The following SPEN variants were observed in gnomAD, a reference collection of about 807,000 sequenced individuals.
SPEN encodes msx2-interacting protein.
A neutral mutation model predicts 269.9 loss-of-function variants in SPEN; 18 were observed. That is an observed-to-expected ratio of 0.07 (90% confidence interval 0.05 to 0.10). The LOEUF is 0.10. Ranked by LOEUF, SPEN falls within the 10% of genes least tolerant of loss-of-function variation. The probability of loss-of-function intolerance (pLI) is 1.00; values close to 1 mark genes in which losing one functional copy is unlikely to be tolerated. For missense variants in SPEN, 3,822 were observed against 4,631.2 expected (o/e 0.83, Z 5.07); for synonymous variants, 1,726 against 1,765.7 (o/e 0.98, Z 0.56).
In SPEN at chr1:15,847,927, C is replaced by CGGA. The variant is rs2070288858; in HGVS notation, c.-136_-134dup. 1 of 352,416 alleles carries CGGA rather than the reference C, an allele frequency of 2.8e-6. No individual in the cohort carries two copies. Among genetic ancestry groups the CGGA allele is most frequent in the African/African-American group, 2.2e-5 (1 of 46,236 alleles). 21.8% of individuals were successfully genotyped at this position (352,416 alleles called of 1,614,324 possible). ...GGATGGTCTCTGCACGGGGGGGAGCCGGAGGAGCCGCCGCCGCTGCCGACG... is the reference window on the plus strand; with the variant it reads ...GGATGGTCTCTGCACGGGGGGGAGCCGGAGGAGGAGCCGCCGCCGCTGCCGACG... On this transcript the variant is annotated 5_prime_UTR_variant, in exon 1 of 15. Coordinates refer to ENST00000375759, the MANE Select transcript of SPEN (RefSeq NM_015001.3).
chr1:15,902,241 A>G (rs2148724618), intron 3 of SPEN, among the ~76,000 whole-genome samples: 1 of 152,286 alleles, frequency 6.6e-6, no homozygotes, highest in Admixed American at 6.5e-5. Flanking sequence ...AAAATCTTTT[A>G]AACGTCTGGT....
In SPEN at chr1:15,935,237, C is replaced by T. The variant is rs370111773; in HGVS notation, c.8997C>T (p.Asn2999=). The part of the protein sequence containing the change: ...ALPSKLPTEV[N]HVPSGPSIPA... ...CCAGCAAACTGCCTACAGAAGTCAA[C>T]CATGTCCCCTCGGGGCCCAGCATCC... The change falls in exon 11 of 15, where the codon AAC becomes AAT. Residue 2999 remains asparagine (N), a synonymous_variant. Coordinates refer to ENST00000375759, the MANE Select transcript of SPEN (RefSeq NM_015001.3). The surrounding 1 kb of genome is among the most constrained non-coding windows in gnomAD (Gnocchi z 7.7). The T allele has an allele frequency of 3.1e-6, 5 of 1,614,074 alleles. No homozygotes were observed. Among genetic ancestry groups the T allele is most frequent in the Non-Finnish European group, 4.2e-6 (5 of 1,180,044 alleles).
At chr1:15,876,723 C>T in intron 3 of SPEN, 45 bp downstream of exon 3, 1 of 1,382,970 alleles carries the variant, frequency 7.2e-7, no homozygotes, top group Non-Finnish European at 1.0e-6. Context: ...TAGCTTTAAA[C>T]AAATTCTCAA....
At position 15,935,281 on chromosome 1, in the gene SPEN, C is replaced by T. The variant is rs2071263314; in HGVS notation, c.9041C>T (p.Ser3014Phe). 6.2e-7 allele frequency: 1 copy of T among 1,614,042 alleles called. No individual in the cohort carries two copies. The highest frequency in any genetic ancestry group is 8.5e-7 in the Non-Finnish European group (1 of 1,180,038). ...GPSIPADRTV[S>F]HLAAAKLDAH... The stretch of plus-strand genomic sequence containing the variant: ...AGCATCCCAGCAGATCGAACTGTCT[C>T]CCATTTGGCAGCTGCAAAGCTAGAT... Residue 3014 changes from serine (S) to phenylalanine (F), a missense_variant, in exon 11 of 15, where the codon TCC (serine) becomes TTC (phenylalanine). Physicochemically the swap from Ser to Phe is radical, Grantham distance 155. Around this residue, in one of 16 missense-constraint regions of SPEN, gnomAD observed 94 missense variants for 90.4 expected, o/e 1.04. Coordinates refer to ENST00000375759, the MANE Select transcript of SPEN (RefSeq NM_015001.3). This position sits in a 1 kb window ranked among gnomAD's most constrained non-coding sequence, Gnocchi z 7.7.
At chr1:15,891,501 G>C (rs1224905625) in intron 3 of SPEN, among the ~76,000 whole-genome samples, 3 of 151,226 alleles carry the variant, frequency 2.0e-5, no homozygotes, top group African/African-American at 7.3e-5. Flanking sequence ...ACAGGCACCC[G>C]CCACCACGCC....
Position 15,939,490 on chromosome 1 carries a change from A to T in SPEN, c.*63A>T. The T allele has an allele frequency of 1.4e-6, 2 of 1,463,798 alleles. No individual in the cohort carries two copies. Among genetic ancestry groups the T allele is most frequent in the Non-Finnish European group, 1.8e-6 (2 of 1,100,908 alleles). 90.7% of individuals were successfully genotyped at this position (1,463,798 alleles called of 1,614,324 possible). A position where few individuals can be genotyped will look rare whatever the true frequency, so the allele number is the denominator to read the frequency against. On this transcript the variant is annotated 3_prime_UTR_variant, in exon 15 of 15. Transcript: ENST00000375759. This position sits in a 1 kb window ranked among gnomAD's most constrained non-coding sequence, Gnocchi z 4.1. ...GGCTCTGCAGTAAAAACAAAGGACA[A>T]CCCAGCCAAGCAGAGGAAGAAGCTG...
At chr1:15,901,293 C>T (rs964200404) in intron 3 of SPEN, among the ~76,000 whole-genome samples, 1 of 145,782 alleles carries the variant, frequency 6.9e-6, no homozygotes, top group African/African-American at 2.6e-5. Flanking sequence ...CCAGCCTGAG[C>T]GAAAGAGTAG....
intron 1 of SPEN, among the ~76,000 whole-genome samples, chr1:15,866,569 A>G (rs1336038713): frequency 6.6e-6 from 1 of 152,102 alleles, no homozygotes. Flanking sequence ...TAGCCAGGAT[A>G]GTCTCGATCT....
intron 10 of SPEN, among the ~76,000 whole-genome samples, chr1:15,925,830 G>A (rs1197086913): frequency 6.6e-6 from 1 of 151,986 alleles, no homozygotes; most frequent in African/African-American, 2.4e-5. Context: ...GACCATTCTA[G>A]GTGTCTTACT....
intron 3 of SPEN, among the ~76,000 whole-genome samples, chr1:15,889,526 C>G (rs973867439): frequency 6.6e-6 from 1 of 152,096 alleles, no homozygotes; most frequent in African/African-American, 2.4e-5. Context: ...ACAAGCACCC[C>G]TCTATCAATC....
chr1:15,896,282 G>A (rs544162418), intron 3 of SPEN, among the ~76,000 whole-genome samples: 36 of 127,876 alleles, frequency 2.8e-4, no homozygotes, highest in Admixed American at 6.0e-4. Flanking sequence ...TGCAATCTCC[G>A]CCTCCCAGAT....
intron 10 of SPEN, among the ~76,000 whole-genome samples, chr1:15,924,442 T>G (rs2071148329): frequency 1.3e-5 from 2 of 152,172 alleles, no homozygotes; most frequent in African/African-American, 4.8e-5. Context: ...ACTTTTTGTA[T>G]ATTACTACTT....
chr1:15,893,774 C>T (rs1002681722), intron 3 of SPEN, among the ~76,000 whole-genome samples: 1 of 152,080 alleles, frequency 6.6e-6, no homozygotes, highest in African/African-American at 2.4e-5. Flanking sequence ...CAGTGGCTCC[C>T]GCCGTAATCC....
At chr1:15,878,957 C>CTG in intron 3 of SPEN, among the ~76,000 whole-genome samples, 1 of 130,612 alleles carries the variant, frequency 7.7e-6, no homozygotes, top group South Asian at 2.3e-4. Context: ...TTGCAGTGAG[C>CTG]AAGCCACTGC....
chr1:15,918,814 A>G lies in SPEN; in HGVS notation c.1396-112A>G, dbSNP rs1194634193. On this transcript the variant is annotated intron_variant, in intron 6 of 14. Coordinates refer to ENST00000375759, the MANE Select transcript of SPEN (RefSeq NM_015001.3). ...GTGTACAGTTTTTTTAACTAAGTAA[A>G]TGATGATTGAGAACATGACTTTTTT... is the stretch of plus-strand genomic sequence containing the variant. 3 of 833,440 alleles carry G rather than the reference A, an allele frequency of 3.6e-6. No homozygotes were observed. In the East Asian group the frequency reaches 7.7e-5, roughly 21 times the overall value. 51.6% of individuals were successfully genotyped at this position (833,440 alleles called of 1,614,324 possible).
chr1:15,874,443 T>G (rs756041516), intron 2 of SPEN: 2 of 1,277,956 alleles, frequency 1.6e-6, no homozygotes, highest in Non-Finnish European at 2.0e-6. Flanking sequence ...CTAACCCAAG[T>G]CAAACTCTCT....
chr1:15,859,368 T>C (rs1359229513), intron 1 of SPEN, among the ~76,000 whole-genome samples: 8 of 146,794 alleles, frequency 5.4e-5, no homozygotes, highest in Admixed American at 6.7e-5. Context: ...CTTTTTTTTT[T>C]TTTTTTTGAG....
At position 15,932,890 on chromosome 1, in the gene SPEN, C is replaced by T. The variant is rs779675366; in HGVS notation, c.6650C>T (p.Ala2217Val). 22 of 1,614,102 alleles carry T rather than the reference C, an allele frequency of 1.4e-5. No individual in the cohort carries two copies. Among genetic ancestry groups the T allele is most frequent in the Middle Eastern group, 3.3e-4 (2 of 6,084 alleles). Residue 2217 changes from alanine (A) to valine (V), a missense_variant, in exon 11 of 15, where the codon GCG (alanine) becomes GTG (valine). Transcript: ENST00000375759. This position sits in a 1 kb window ranked among gnomAD's most constrained non-coding sequence, Gnocchi z 4.2. ...CAAGCAAGTGAAACAGAGCTGGCTG[C>T]GGCCATCGGCTCCATCATCAATGAC... The part of the protein sequence containing the change: ...AHQASETELA[A>V]AIGSIINDIS...
chr1:15,906,540 C>T (rs745758610), intron 3 of SPEN, among the ~76,000 whole-genome samples: 2 of 136,978 alleles, frequency 1.5e-5, no homozygotes, highest in Admixed American at 7.9e-5. Flanking sequence ...TTTAATGCAG[C>T]TTCTGCCTCC....
Sources: allele counts gnomAD v4.1 joint callset (sites outside exome capture counted in the v4.1 genomes callset), GRCh38; gene constraint gnomAD v4.1.1; regional missense constraint gnomAD v4.1.1; non-coding constraint Gnocchi (gnomAD v3.1); transcripts MANE v1.5; gene names NCBI Gene and HGNC (gene_info 2026-07-23, HGNC 2026-07-21).